PDGFC: variants seen among roughly 807,000 people sequenced by gnomAD.
PDGFC encodes platelet-derived growth factor C.
Under a neutral mutation model 35.5 loss-of-function variants are expected in PDGFC, and 12 were observed. The observed-to-expected ratio is 0.34, with a 90% CI of 0.22 to 0.55. The LOEUF (loss-of-function observed/expected upper bound fraction) is 0.55, where lower values mean the gene tolerates loss of function less well. PDGFC is among the 20% of genes least tolerant of loss of function. The pLI, the probability that PDGFC is intolerant of heterozygous loss-of-function variation, is 0.91. For missense variants in PDGFC, 322 were observed against 412.4 expected (o/e 0.78, Z 1.90); for synonymous variants, 159 against 148.8 (o/e 1.07, Z -0.50).
At chr4:156,805,088 G>A (rs1200926013) in intron 3 of PDGFC, among the ~76,000 whole-genome samples, 1 of 151,972 alleles carries the variant, frequency 6.6e-6, no homozygotes, top group Non-Finnish European at 1.5e-5. Flanking sequence ...GAGACACCAT[G>A]ATCGTCATAT....
At chr4:156,837,539 A>C (rs1301877262) in intron 2 of PDGFC, among the ~76,000 whole-genome samples, 1 of 152,166 alleles carries the variant, frequency 6.6e-6, no homozygotes, top group Non-Finnish European at 1.5e-5. Context: ...CAACTGGAAG[A>C]CTCAAATAAA....
chr4:156,797,273 C>T (rs1731470699), intron 3 of PDGFC, among the ~76,000 whole-genome samples: 1 of 150,932 alleles, frequency 6.6e-6, no homozygotes, highest in Non-Finnish European at 1.5e-5. Flanking sequence ...AAACTTCAGA[C>T]AATTAAATTT....
chr4:156,956,913 G>A (rs545113698), intron 1 of PDGFC, among the ~76,000 whole-genome samples: 1 of 152,056 alleles, frequency 6.6e-6, no homozygotes, highest in South Asian at 2.1e-4. Context: ...ATGTTCCAAT[G>A]GAACTGAGGT....
At chr4:156,891,828 G>A (rs1251265583) in intron 1 of PDGFC, among the ~76,000 whole-genome samples, 1 of 152,134 alleles carries the variant, frequency 6.6e-6, no homozygotes, top group African/African-American at 2.4e-5. Flanking sequence ...TAATGCCAAA[G>A]GTAAAGCTTT....
In PDGFC at chr4:156,825,585, A is replaced by AAGAAGAAGAAGAAGAAGAAGG. The variant is rs1732432004; in HGVS notation, c.315-14569_315-14568insCCTTCTTCTTCTTCTTCTTCT. Among the ~76,000 whole-genome samples, 6 of 103,978 alleles carry AAGAAGAAGAAGAAGAAGAAGG rather than the reference A, an allele frequency of 5.8e-5. 1 individual carries two copies. Among genetic ancestry groups the AAGAAGAAGAAGAAGAAGAAGG allele is most frequent in the African/African-American group, 2.2e-4 (5 of 22,984 alleles). 68.2% of individuals were successfully genotyped at this position (103,978 alleles called of 152,430 possible). On this transcript the variant is annotated intron_variant, in intron 2 of 5. Coordinates refer to ENST00000502773, the MANE Select transcript of PDGFC (RefSeq NM_016205.3). Reference sequence around the variant, plus strand: ...TAATAATAATAATAATAATAATAATAATAATAATAAGAAGAAGAAGAAGAA... The same window carrying AAGAAGAAGAAGAAGAAGAAGG: ...TAATAATAATAATAATAATAATAATAAGAAGAAGAAGAAGAAGAAGGATAATAATAAGAAGAAGAAGAAGAA...
chr4:156,914,717 T>C (rs1731117928), intron 1 of PDGFC, among the ~76,000 whole-genome samples: 1 of 151,972 alleles, frequency 6.6e-6, no homozygotes, highest in Non-Finnish European at 1.5e-5. Flanking sequence ...GGGGAAGAAA[T>C]GAAAACAAAA....
chr4:156,802,289 C>T (rs892902018), intron 3 of PDGFC, among the ~76,000 whole-genome samples: 1 of 152,082 alleles, frequency 6.6e-6, no homozygotes, highest in Non-Finnish European at 1.5e-5. Flanking sequence ...AAGGAGTCAA[C>T]AGCAATAAAA....
intron 1 of PDGFC, among the ~76,000 whole-genome samples, chr4:156,906,825 A>C (rs1730926025): frequency 6.6e-6 from 1 of 152,168 alleles, no homozygotes; most frequent in Non-Finnish European, 1.5e-5. Context: ...TTTCTAGAAT[A>C]ATATCTGATA....
chr4:156,836,200 T>C (rs1729059399), intron 2 of PDGFC, among the ~76,000 whole-genome samples: 1 of 152,100 alleles, frequency 6.6e-6, no homozygotes, highest in Admixed American at 6.5e-5. Context: ...TGAATATTGG[T>C]GAATACAAAG....
chr4:156,941,204 GGATA>G (rs1360998013), intron 1 of PDGFC, among the ~76,000 whole-genome samples: 2 of 152,060 alleles, frequency 1.3e-5, no homozygotes, highest in Admixed American at 1.3e-4. Flanking sequence ...AAATCTGAAG[GGATA>G]GATAGAGATC....
intron 2 of PDGFC, among the ~76,000 whole-genome samples, chr4:156,842,904 C>G (rs1056204062): frequency 6.6e-6 from 1 of 152,088 alleles, no homozygotes. Context: ...TCCCATATAT[C>G]TCCTCATTAT....
intron 2 of PDGFC, among the ~76,000 whole-genome samples, chr4:156,823,552 A>G (rs1470468815): frequency 6.6e-6 from 1 of 152,074 alleles, no homozygotes; most frequent in Non-Finnish European, 1.5e-5. Context: ...TGCAAAGATC[A>G]CTACTTTAAA....
intron 1 of PDGFC, among the ~76,000 whole-genome samples, chr4:156,853,174 T>C (rs1349126797): frequency 6.6e-6 from 1 of 152,218 alleles, no homozygotes; most frequent in Non-Finnish European, 1.5e-5. Context: ...GTATTTCTTT[T>C]TGCTCACAAT....
chr4:156,898,625 T>G (rs1730690780), intron 1 of PDGFC, among the ~76,000 whole-genome samples: 1 of 146,856 alleles, frequency 6.8e-6, no homozygotes, highest in Non-Finnish European at 1.5e-5. Flanking sequence ...ATGCTCAGGA[T>G]AATAGAAGCT....
intron 1 of PDGFC, among the ~76,000 whole-genome samples, chr4:156,927,998 C>A (rs998340880): frequency 6.6e-6 from 1 of 152,088 alleles, no homozygotes; most frequent in Non-Finnish European, 1.5e-5. Flanking sequence ...GAAAGGCAAT[C>A]CTTACATGGT....
At chr4:156,800,387 GA>G (rs1190679416) in intron 3 of PDGFC, among the ~76,000 whole-genome samples, 3 of 152,002 alleles carry the variant, frequency 2.0e-5, no homozygotes, top group African/African-American at 7.2e-5. Context: ...CATAAAAATG[GA>G]AAGTTATATA....
At chr4:156,898,639 A>ATTT (rs11463568) in intron 1 of PDGFC, among the ~76,000 whole-genome samples, 1 of 150,520 alleles carries the variant, frequency 6.6e-6, no homozygotes, top group East Asian at 2.0e-4. Context: ...AGAAGCTTCC[A>ATTT]TTTTTTTTTC....
chr4:156,823,019 C>T (rs779535382), intron 2 of PDGFC, among the ~76,000 whole-genome samples: 3 of 152,070 alleles, frequency 2.0e-5, no homozygotes, highest in Non-Finnish European at 2.9e-5. Flanking sequence ...CAGGCTTGAG[C>T]CACAGCACCC....
intron 3 of PDGFC, among the ~76,000 whole-genome samples, chr4:156,787,669 GGA>G (rs1405901092): frequency 6.6e-6 from 1 of 151,416 alleles, no homozygotes; most frequent in Non-Finnish European, 1.5e-5. Context: ...AGAAGGAGGA[GGA>G]GAGAGAGAGA....
Sources: allele counts gnomAD v4.1 joint callset (sites outside exome capture counted in the v4.1 genomes callset), GRCh38; gene constraint gnomAD v4.1.1; transcripts MANE v1.5; gene names NCBI Gene and HGNC (gene_info 2026-07-23, HGNC 2026-07-21).